NRXN1: variants seen among roughly 807,000 people sequenced by gnomAD.
The protein encoded by NRXN1 is neurexin 1.
In NRXN1, 39 loss-of-function variants were observed where a neutral mutation model predicts 150.9. That is an observed-to-expected ratio of 0.26 (90% confidence interval 0.20 to 0.34). The LOEUF (loss-of-function observed/expected upper bound fraction) is 0.34, where lower values mean the gene tolerates loss of function less well. Ranked by LOEUF, NRXN1 falls within the 10% of genes least tolerant of loss-of-function variation. NRXN1 has a pLI of 1.00. For synonymous variants in NRXN1, 924 were observed against 757.0 expected (o/e 1.22, Z -3.62); for missense variants, 1,815 against 1,949.9 (o/e 0.93, Z 1.30).
chr2:50,827,139 CT>C (rs1320294146), intron 5 of NRXN1, among the ~76,000 whole-genome samples: 1 of 152,108 alleles, frequency 6.6e-6, no homozygotes, highest in Non-Finnish European at 1.5e-5. Context: ...GCATAGTGAC[CT>C]TGGTAACAGT....
chr2:50,098,577 C>T (rs1291316359), intron 18 of NRXN1, among the ~76,000 whole-genome samples: 1 of 152,174 alleles, frequency 6.6e-6, no homozygotes, highest in Non-Finnish European at 1.5e-5. Flanking sequence ...TACAATGTAT[C>T]TCATCTAAAA....
At chr2:50,979,162 A>G in intron 2 of NRXN1, 2 of 467,644 alleles carry the variant, frequency 4.3e-6, no homozygotes, top group South Asian at 3.2e-5. Flanking sequence ...AAAACACATA[A>G]CTTACATGGT....
At chr2:49,958,563 A>C (rs927071113) in intron 21 of NRXN1, among the ~76,000 whole-genome samples, 4 of 152,068 alleles carry the variant, frequency 2.6e-5, no homozygotes, top group African/African-American at 9.7e-5. Flanking sequence ...TTAGATGCCT[A>C]CTAATTAAGG....
chr2:50,654,498 A>T (rs577683486), intron 5 of NRXN1, among the ~76,000 whole-genome samples: 42 of 152,092 alleles, frequency 2.8e-4, no homozygotes, highest in South Asian at 8.3e-4. Context: ...ATATGTGTGC[A>T]TGTGTCTTTA....
At chr2:50,604,037 A>C (rs558851175) in intron 8 of NRXN1, among the ~76,000 whole-genome samples, 2 of 152,164 alleles carry the variant, frequency 1.3e-5, no homozygotes, top group East Asian at 1.9e-4. Flanking sequence ...TTCTTTCTCC[A>C]AAACTGTAAA....
At chr2:50,305,727 A>G (rs892417542) in intron 17 of NRXN1, among the ~76,000 whole-genome samples, 3 of 152,218 alleles carry the variant, frequency 2.0e-5, no homozygotes, top group African/African-American at 7.2e-5. Flanking sequence ...ATATTATCAA[A>G]GTCCACACTT....
rs749965070 is a variant in NRXN1 at position 50,054,946 on chromosome 2, G to T, written c.3808+9C>A. The T allele has an allele frequency of 2.7e-5, 41 of 1,526,998 alleles. No individual in the cohort carries two copies. The highest frequency in any genetic ancestry group is 8.8e-7 in the Non-Finnish European group (1 of 1,133,388). The allele number at this position is 1,526,998 out of a possible 1,614,324, so 94.6% of individuals were successfully genotyped here. ...TTTTTTATTTGAAGTTTTAATCAAT[G>T]TTTTTTACCTTTGTCGAGTAGCCAT... On this transcript the variant is annotated intron_variant, in intron 20 of 22. Transcript: ENST00000401669.
At chr2:50,469,171 C>A (rs961430570) in intron 16 of NRXN1, among the ~76,000 whole-genome samples, 3 of 151,522 alleles carry the variant, frequency 2.0e-5, no homozygotes, top group Non-Finnish European at 4.4e-5. Flanking sequence ...ATTAGAAACC[C>A]TGGGGGTTGT....
At chr2:50,930,629 T>C (rs1210280733) in intron 2 of NRXN1, among the ~76,000 whole-genome samples, 3 of 152,126 alleles carry the variant, frequency 2.0e-5, no homozygotes, top group African/African-American at 7.2e-5. Context: ...CAAGTCTAAA[T>C]CTTGAGAGTT....
At chr2:50,084,210 T>A (rs1018208262) in intron 19 of NRXN1, among the ~76,000 whole-genome samples, 3 of 152,206 alleles carry the variant, frequency 2.0e-5, no homozygotes, top group Non-Finnish European at 2.9e-5. Context: ...CAGATGGAGC[T>A]GCCTGCCAGT....
At chr2:50,644,718 T>C (rs1684558520) in intron 5 of NRXN1, among the ~76,000 whole-genome samples, 1 of 150,792 alleles carries the variant, frequency 6.6e-6, no homozygotes, top group Non-Finnish European at 1.5e-5. Context: ...AATTCAGCCA[T>C]TTCAACATGC....
intron 22 of NRXN1, among the ~76,000 whole-genome samples, chr2:49,941,914 T>A (rs1672041789): frequency 6.6e-6 from 1 of 151,770 alleles, no homozygotes; most frequent in African/African-American, 2.4e-5. Context: ...GTAGAAGAAA[T>A]GGGGAAGGGA....
intron 21 of NRXN1, among the ~76,000 whole-genome samples, chr2:49,966,364 C>T (rs1279869942): frequency 6.6e-6 from 1 of 152,050 alleles, no homozygotes; most frequent in East Asian, 1.9e-4. Context: ...CTAGACATGA[C>T]AATTTTTCTG....
chr2:50,524,007 G>C (rs114325229), intron 12 of NRXN1, among the ~76,000 whole-genome samples: 1 of 151,978 alleles, frequency 6.6e-6, no homozygotes, highest in Admixed American at 6.6e-5. Context: ...AAAAGATAAC[G>C]GAAGAAACAA....
At chr2:50,932,736 A>T (rs149021565) in intron 2 of NRXN1, among the ~76,000 whole-genome samples, 8 of 152,230 alleles carry the variant, frequency 5.3e-5, no homozygotes, top group Admixed American at 3.9e-4. Flanking sequence ...GAAATAATTT[A>T]AAAAAATAAT....
chr2:49,931,050 T>C (rs1670046098), intron 22 of NRXN1, among the ~76,000 whole-genome samples: 1 of 152,180 alleles, frequency 6.6e-6, no homozygotes, highest in Admixed American at 6.5e-5. Flanking sequence ...GAGGACCATT[T>C]GAGCCCAGGA....
intron 21 of NRXN1, among the ~76,000 whole-genome samples, chr2:49,960,988 T>C (rs1004294105): frequency 5.3e-5 from 8 of 152,104 alleles, no homozygotes. Flanking sequence ...ATTACAAGGC[T>C]TTTTTTCATG....
At chr2:50,684,670 A>G (rs1394509443) in intron 5 of NRXN1, among the ~76,000 whole-genome samples, 4 of 152,172 alleles carry the variant, frequency 2.6e-5, no homozygotes, top group East Asian at 1.9e-4. Context: ...ATAATCGCTA[A>G]GCAACTGCAT....
intron 19 of NRXN1, among the ~76,000 whole-genome samples, chr2:50,061,407 G>A (rs886188241): frequency 2.9e-4 from 44 of 152,160 alleles, no homozygotes; most frequent in Non-Finnish European, 5.9e-5. Context: ...ATTTGTGAAT[G>A]GTCAGTGTAA....
Sources: gnomAD v4.1 joint callset for allele counts (sites outside exome capture counted in the v4.1 genomes callset) on GRCh38, gnomAD v4.1.1 for gene constraint, MANE v1.5 for transcripts, NCBI Gene and HGNC (gene_info 2026-07-23, HGNC 2026-07-21) for gene names.